SUPT3H: variants seen among roughly 807,000 people sequenced by gnomAD.
The protein encoded by SUPT3H is SPT3 homolog, SAGA and STAGA complex component.
In SUPT3H, 44 loss-of-function variants were observed where a neutral mutation model predicts 44.3. The observed-to-expected ratio is 0.99, with a 90% CI of 0.78 to 1.28. The LOEUF (loss-of-function observed/expected upper bound fraction) is 1.28. Ranked by LOEUF, SUPT3H falls within the 50% of genes most tolerant of loss-of-function variation. SUPT3H has a pLI of 0.00. For synonymous variants in SUPT3H, 124 were observed against 125.6 expected (o/e 0.99, Z 0.09); for missense variants, 380 against 387.1 (o/e 0.98, Z 0.15).
chr6:45,307,003 A>G (rs1168470538), intron 2 of SUPT3H, among the ~76,000 whole-genome samples: 1 of 152,232 alleles, frequency 6.6e-6, no homozygotes, highest in Admixed American at 6.5e-5. Flanking sequence ...TCCCAGGCCC[A>G]CGGAGCCTCA....
chr6:44,888,845 A>G (rs1048173611), intron 10 of SUPT3H, among the ~76,000 whole-genome samples: 14 of 150,666 alleles, frequency 9.3e-5, no homozygotes, highest in African/African-American at 3.2e-4. Context: ...TGCAGATGAC[A>G]TGATTGTATA....
At chr6:44,929,030 G>A (rs1770108888) in intron 10 of SUPT3H, among the ~76,000 whole-genome samples, 1 of 151,960 alleles carries the variant, frequency 6.6e-6, no homozygotes, top group African/African-American at 2.4e-5. Flanking sequence ...TCACAGGTGT[G>A]TGGCAGGTGA....
intron 2 of SUPT3H, among the ~76,000 whole-genome samples, chr6:45,245,267 A>C (rs1030759692): frequency 6.6e-6 from 1 of 152,130 alleles, no homozygotes; most frequent in Non-Finnish European, 1.5e-5. Flanking sequence ...ATACAAGTGA[A>C]CTTTTCTTTG....
chr6:45,117,316 C>A (rs1800990939), intron 2 of SUPT3H, among the ~76,000 whole-genome samples: 1 of 152,080 alleles, frequency 6.6e-6, no homozygotes, highest in African/African-American at 2.4e-5. Context: ...CTCTCCATCT[C>A]ATCCAGCAGA....
At chr6:45,218,458 G>A (rs534789106) in intron 2 of SUPT3H, among the ~76,000 whole-genome samples, 6 of 152,322 alleles carry the variant, frequency 3.9e-5, no homozygotes, top group Non-Finnish European at 7.3e-5. Flanking sequence ...GGCCGGGTAC[G>A]GTGGCTCACG....
At chr6:44,876,653 T>C (rs1361210179) in intron 10 of SUPT3H, among the ~76,000 whole-genome samples, 2 of 147,688 alleles carry the variant, frequency 1.4e-5, no homozygotes, top group Non-Finnish European at 3.0e-5. Flanking sequence ...TAAAGTATAA[T>C]TTAAAAAAAA....
chr6:45,111,798 C>T (rs1800111692), intron 2 of SUPT3H, among the ~76,000 whole-genome samples: 1 of 152,018 alleles, frequency 6.6e-6, no homozygotes, highest in African/African-American at 2.4e-5. Context: ...CACGGCCCCC[C>T]CACCCCCACT....
chr6:45,047,229 T>C (rs995599823), intron 3 of SUPT3H, among the ~76,000 whole-genome samples: 1 of 152,192 alleles, frequency 6.6e-6, no homozygotes, highest in Non-Finnish European at 1.5e-5. Flanking sequence ...GGGCATCTGA[T>C]ACAAAATGGT....
intron 6 of SUPT3H, among the ~76,000 whole-genome samples, chr6:44,964,288 C>T (rs1776476470): frequency 1.3e-5 from 2 of 151,936 alleles, no homozygotes; most frequent in African/African-American, 4.8e-5. Context: ...CTAATGATTC[C>T]TACATACCAT....
chr6:44,897,175 T>G (rs911875703), intron 10 of SUPT3H, among the ~76,000 whole-genome samples: 5 of 152,316 alleles, frequency 3.3e-5, no homozygotes, highest in African/African-American at 1.2e-4. Context: ...GGCTAGACAT[T>G]GAGAATGAAG....
chr6:44,922,965 C>T (rs1321106808), intron 10 of SUPT3H, among the ~76,000 whole-genome samples: 4 of 151,998 alleles, frequency 2.6e-5, no homozygotes, highest in African/African-American at 9.7e-5. Flanking sequence ...AGAGTCACTC[C>T]AAGGATTTTC....
At chr6:45,266,165 T>TA (rs1316145602) in intron 2 of SUPT3H, among the ~76,000 whole-genome samples, 1 of 151,636 alleles carries the variant, frequency 6.6e-6, no homozygotes, top group Non-Finnish European at 1.5e-5. Flanking sequence ...CCTGACAATT[T>TA]TTTTTTTAAG....
At chr6:45,199,583 C>A (rs1762151867) in intron 2 of SUPT3H, among the ~76,000 whole-genome samples, 1 of 151,260 alleles carries the variant, frequency 6.6e-6, no homozygotes, top group Non-Finnish European at 1.5e-5. Flanking sequence ...AGGCAACCAA[C>A]CCCACTAAAT....
At chr6:45,059,733 G>A (rs1359989440) in intron 3 of SUPT3H, among the ~76,000 whole-genome samples, 1 of 152,052 alleles carries the variant, frequency 6.6e-6, no homozygotes, top group Admixed American at 6.6e-5. Flanking sequence ...AGCAACTTCA[G>A]CAAATTCTCA....
chr6:45,108,762 C>G (rs1407735462), intron 2 of SUPT3H, among the ~76,000 whole-genome samples: 1 of 151,916 alleles, frequency 6.6e-6, no homozygotes, highest in Admixed American at 6.6e-5. Flanking sequence ...CCTTTAAGAA[C>G]CAGATCAATA....
intron 2 of SUPT3H, among the ~76,000 whole-genome samples, chr6:45,146,051 A>T (rs1429022475): frequency 6.6e-6 from 1 of 152,132 alleles, no homozygotes; most frequent in Non-Finnish European, 1.5e-5. Context: ...TAAAGGGAAC[A>T]CTTTTACACT....
At chr6:45,025,399 C>T (rs1158761465) in intron 3 of SUPT3H, among the ~76,000 whole-genome samples, 1 of 152,102 alleles carries the variant, frequency 6.6e-6, no homozygotes, top group Non-Finnish European at 1.5e-5. Context: ...AACCATTGAC[C>T]CTGAACAGGC....
intron 2 of SUPT3H, among the ~76,000 whole-genome samples, chr6:45,162,442 T>G (rs1406662676): frequency 6.6e-6 from 1 of 152,130 alleles, no homozygotes; most frequent in African/African-American, 2.4e-5. Context: ...GAGGAATACT[T>G]AAGCCCAGAG....
At chr6:45,284,575 C>T (rs1778850686) in intron 2 of SUPT3H, among the ~76,000 whole-genome samples, 1 of 152,158 alleles carries the variant, frequency 6.6e-6, no homozygotes, top group South Asian at 2.1e-4. Context: ...AGACCAATAA[C>T]AGGCTCTGAA....
Sources: allele counts gnomAD v4.1 joint callset (sites outside exome capture counted in the v4.1 genomes callset), GRCh38; gene constraint gnomAD v4.1.1; transcripts MANE v1.5; gene names NCBI Gene and HGNC (gene_info 2026-07-23, HGNC 2026-07-21).